Variants in MAF observed in about 807,000 individuals in gnomAD.
The protein encoded by MAF is transcription factor Maf.
Under a neutral mutation model 22.0 loss-of-function variants are expected in MAF, and 10 were observed. The observed-to-expected ratio is 0.45, with a 90% CI of 0.28 to 0.77. The LOEUF (loss-of-function observed/expected upper bound fraction) is 0.77. Ranked by LOEUF, MAF falls within the 30% of genes least tolerant of loss-of-function variation. The pLI, the probability that MAF is intolerant of heterozygous loss-of-function variation, is 0.12. For missense variants in MAF, 544 were observed against 548.4 expected, an observed-to-expected ratio of 0.99 and a Z score of 0.08; for synonymous variants, 337 against 255.8, an observed-to-expected ratio of 1.32 and a Z score of -3.03.
At chr16:79,561,793 A>G in the MAF span, among the ~76,000 whole-genome samples, 3 of 152,218 alleles carry the variant, frequency 2.0e-5, no homozygotes, top group African/African-American at 7.2e-5. Flanking sequence ...GACTGAGAAG[A>G]GAGGAGACGG....
rs1401275542 is a variant in MAF, at chr16:79,594,193, A to T, written c.*267T>A. 2.3e-6 allele frequency: 1 copy of T among 444,348 alleles called. No individual in the cohort carries two copies. The highest frequency in any genetic ancestry group is 1.9e-5 in the African/African-American group (1 of 51,510). The allele number at this position is 444,348 out of a possible 1,614,324, so 27.5% of individuals were successfully genotyped here. On this transcript the variant is annotated 3_prime_UTR_variant, in exon 2 of 2. Coordinates refer to ENST00000326043, the MANE Select transcript of MAF (RefSeq NM_005360.5). ...TCTTTGTAATTTCAGTGAATTTTTA[A>T]AACTAGTATGGCAGGTTGAAAGCAA...
the MAF span, among the ~76,000 whole-genome samples, chr16:79,271,208 A>T: frequency 6.6e-6 from 1 of 151,716 alleles, no homozygotes; most frequent in African/African-American, 2.4e-5. Context: ...GAGCCACCGC[A>T]CCCAGCCATG....
At chr16:79,300,461 A>T in the MAF span, among the ~76,000 whole-genome samples, 1 of 152,170 alleles carries the variant, frequency 6.6e-6, no homozygotes, top group Admixed American at 6.5e-5. Flanking sequence ...AGGCTGAGTC[A>T]GGAGAATCAC....
the MAF span, among the ~76,000 whole-genome samples, chr16:79,363,790 T>C: frequency 6.6e-6 from 1 of 152,086 alleles, no homozygotes; most frequent in African/African-American, 2.4e-5. Context: ...AAAGGATCAT[T>C]AAGAGTTGAC....
chr16:79,284,808 G>A, the MAF span, among the ~76,000 whole-genome samples: 2 of 152,048 alleles, frequency 1.3e-5, no homozygotes, highest in Admixed American at 6.5e-5. Flanking sequence ...AACTTCAAGT[G>A]TGCACCGTGC....
At chr16:79,208,153 C>G in the MAF span, among the ~76,000 whole-genome samples, 2 of 152,180 alleles carry the variant, frequency 1.3e-5, no homozygotes, top group African/African-American at 4.8e-5. Context: ...TACATATACT[C>G]TCAAGATTGA....
chr16:79,248,131 A>C, the MAF span, among the ~76,000 whole-genome samples: 2 of 152,024 alleles, frequency 1.3e-5, no homozygotes, highest in Non-Finnish European at 2.9e-5. Flanking sequence ...TTTGGATCAT[A>C]AAACAAGTGT....
At chr16:79,228,508 G>A in the MAF span, among the ~76,000 whole-genome samples, 2 of 151,900 alleles carry the variant, frequency 1.3e-5, no homozygotes, top group Non-Finnish European at 1.5e-5. Context: ...TCACAAATTG[G>A]CCTGGATCCA....
the MAF span, among the ~76,000 whole-genome samples, chr16:79,333,982 C>A: frequency 6.6e-6 from 1 of 152,236 alleles, no homozygotes; most frequent in Non-Finnish European, 1.5e-5. Flanking sequence ...TGAGAGCTTT[C>A]TTAGGAGCAT....
the MAF span, among the ~76,000 whole-genome samples, chr16:79,517,565 A>C: frequency 2.5e-5 from 3 of 121,086 alleles, no homozygotes; most frequent in African/African-American, 9.2e-5. Flanking sequence ...TGGACTGTTT[A>C]GTCTTTTTTT....
the MAF span, among the ~76,000 whole-genome samples, chr16:79,313,061 C>T: frequency 6.6e-5 from 10 of 152,136 alleles, no homozygotes; most frequent in African/African-American, 2.2e-4. Flanking sequence ...GCAACCTATG[C>T]ACAGACTGCA....
At chr16:79,333,010 C>G in the MAF span, among the ~76,000 whole-genome samples, 1 of 152,210 alleles carries the variant, frequency 6.6e-6, no homozygotes, top group African/African-American at 2.4e-5. Flanking sequence ...GCTGGACTGG[C>G]GCACAGCAGG....
At chr16:79,329,532 T>C in the MAF span, among the ~76,000 whole-genome samples, 2 of 151,298 alleles carry the variant, frequency 1.3e-5, no homozygotes, top group Middle Eastern at 3.4e-3. Flanking sequence ...CCGTCTAGAG[T>C]CCCCCAAAAT....
the MAF span, among the ~76,000 whole-genome samples, chr16:79,362,286 G>A: frequency 9.9e-5 from 15 of 152,156 alleles, no homozygotes; most frequent in African/African-American, 2.9e-4. Flanking sequence ...TTGTGTTAGC[G>A]TGCAGCATCT....
the MAF span, among the ~76,000 whole-genome samples, chr16:79,300,088 A>G: frequency 1.3e-5 from 2 of 152,242 alleles, no homozygotes; most frequent in Non-Finnish European, 2.9e-5. Flanking sequence ...ACATGCTCCA[A>G]AAATGTTTGG....
chr16:79,415,642 G>C, the MAF span, among the ~76,000 whole-genome samples: 10 of 151,688 alleles, frequency 6.6e-5, no homozygotes, highest in Non-Finnish European at 5.9e-5. Flanking sequence ...TGGTTGCCTC[G>C]GGGCCACTGA....
chr16:79,263,994 T>G, the MAF span, among the ~76,000 whole-genome samples: 1 of 152,194 alleles, frequency 6.6e-6, no homozygotes, highest in Non-Finnish European at 1.5e-5. Flanking sequence ...AGCTTTCCTG[T>G]GGCAAGAGAG....
At chr16:79,471,271 A>G in the MAF span, among the ~76,000 whole-genome samples, 2 of 152,352 alleles carry the variant, frequency 1.3e-5, no homozygotes. Flanking sequence ...TACAGATACA[A>G]AACATCTAAG....
the MAF span, among the ~76,000 whole-genome samples, chr16:79,328,234 T>C: frequency 6.6e-6 from 1 of 152,084 alleles, no homozygotes; most frequent in Admixed American, 6.5e-5. Context: ...GCCTGGCCAA[T>C]ATCATCCTCA....
Sources: allele counts gnomAD v4.1 joint callset (sites outside exome capture counted in the v4.1 genomes callset), GRCh38; gene constraint gnomAD v4.1.1; transcripts MANE v1.5; gene names NCBI Gene and HGNC (gene_info 2026-07-23, HGNC 2026-07-21).